CFTR: variants seen among roughly 807,000 people sequenced by gnomAD.
CFTR encodes the protein cystic fibrosis transmembrane conductance regulator.
In CFTR, 181 loss-of-function variants were observed where a neutral mutation model predicts 171.6. The observed-to-expected ratio is 1.05, with a 90% CI of 0.93 to 1.19. The LOEUF is 1.19. Among genes scored for constraint, CFTR ranks in the 50% most tolerant of loss-of-function variants. The pLI is 0.00. For missense variants in CFTR, 1,968 were observed against 1,734.7 expected (o/e 1.13, Z -2.39); for synonymous variants, 583 against 608.0 (o/e 0.96, Z 0.60).
intron 25 of CFTR, among the ~76,000 whole-genome samples, chr7:117,665,206 A>T (rs970805991): frequency 1.3e-5 from 2 of 152,246 alleles, no homozygotes; most frequent in Non-Finnish European, 2.9e-5. Context: ...AGTACTGGTG[A>T]TTCTACATAA....
chr7:117,485,814 A>G (rs1048916629), intron 1 of CFTR, among the ~76,000 whole-genome samples: 1 of 152,154 alleles, frequency 6.6e-6, no homozygotes, highest in African/African-American at 2.4e-5. Context: ...TCCAAATTGT[A>G]AAGCTCTGGA....
At chr7:117,528,688 A>G (rs1798801823) in intron 3 of CFTR, among the ~76,000 whole-genome samples, 1 of 94,172 alleles carries the variant, frequency 1.1e-5, no homozygotes, top group Non-Finnish European at 2.0e-5. Context: ...AAACAACCCC[A>G]TCAAAAAGTG....
intron 3 of CFTR, among the ~76,000 whole-genome samples, chr7:117,514,820 A>G (rs935044370): frequency 1.3e-4 from 20 of 152,054 alleles, no homozygotes; most frequent in African/African-American, 4.6e-4. Flanking sequence ...ACCAGCATCT[A>G]TTGTTTCCTA....
chr7:117,544,873 T>G (rs1253113922), intron 9 of CFTR, among the ~76,000 whole-genome samples: 1 of 152,218 alleles, frequency 6.6e-6, no homozygotes, highest in African/African-American at 2.4e-5. Context: ...CTTGTGGAAT[T>G]TATCATTTAA....
At chr7:117,607,834 C>A (rs1792324605) in intron 18 of CFTR, among the ~76,000 whole-genome samples, 1 of 152,162 alleles carries the variant, frequency 6.6e-6, no homozygotes, top group Non-Finnish European at 1.5e-5. Flanking sequence ...TTTTGGATAT[C>A]CTTCAGTTGT....
intron 23 of CFTR, among the ~76,000 whole-genome samples, chr7:117,649,376 G>T (rs987207525): frequency 6.9e-6 from 1 of 145,460 alleles, no homozygotes; most frequent in African/African-American, 2.5e-5. Context: ...ATATATACAT[G>T]TATATCTATA....
intron 14 of CFTR, 52 bp downstream of exon 14, chr7:117,592,709 G>C: frequency 7.0e-7 from 1 of 1,436,194 alleles, no homozygotes; most frequent in Non-Finnish European, 9.2e-7. Flanking sequence ...CAATTGAGTA[G>C]AATGCAATAT....
intron 23 of CFTR, among the ~76,000 whole-genome samples, chr7:117,650,263 C>T (rs1793070785): frequency 6.6e-6 from 1 of 151,990 alleles, no homozygotes; most frequent in Non-Finnish European, 1.5e-5. Context: ...AGGCTCTTGC[C>T]CTGCTCCAGA....
In CFTR at chr7:117,667,239, T is replaced by C. The variant is rs1232244080; in HGVS notation, c.*131T>C. The C allele has an allele frequency of 3.5e-6, 3 of 869,352 alleles. No individual in the cohort carries two copies. The African/African-American group carries it at 5.0e-5, about 15-fold the overall frequency. The allele number at this position is 869,352 out of a possible 1,614,324, so 53.9% of individuals were successfully genotyped here. On this transcript the variant is annotated 3_prime_UTR_variant, in exon 27 of 27. Coordinates refer to ENST00000003084, the MANE Select transcript of CFTR (RefSeq NM_000492.4). The stretch of plus-strand genomic sequence containing the variant: ...AAAACAAGGATGAATTAAGTTTTTT[T>C]TTAAAAAAGAAACATTTGGTAAGGG...
rs121908791 is a variant in CFTR, at chr7:117,509,143, G to A, written c.273+1G>A. Reference sequence around the variant, plus strand: ...CTATGGAATCTTTTTATATTTAGGGGTAAGGATCTCATTTGTACATTCATT... The same window carrying A: ...CTATGGAATCTTTTTATATTTAGGGATAAGGATCTCATTTGTACATTCATT... On this transcript the variant is annotated splice_donor_variant, in intron 3 of 26. Coordinates refer to ENST00000003084, the MANE Select transcript of CFTR (RefSeq NM_000492.4). LOFTEE classifies it high-confidence loss of function. The A allele has an allele frequency of 2.0e-6, 3 of 1,485,476 alleles. No individual in the cohort carries two copies. The highest frequency in any genetic ancestry group is 1.7e-5 in the Admixed American group (1 of 59,850). 92.0% of individuals were successfully genotyped at this position (1,485,476 alleles called of 1,614,324 possible).
intron 3 of CFTR, among the ~76,000 whole-genome samples, chr7:117,518,784 T>C (rs1798640559): frequency 6.6e-6 from 1 of 151,988 alleles, no homozygotes; most frequent in Non-Finnish European, 1.5e-5. Flanking sequence ...ATACTCATTA[T>C]TTACATTTAG....
At chr7:117,587,263 T>G (rs1048853948) in intron 11 of CFTR, among the ~76,000 whole-genome samples, 72 of 152,294 alleles carry the variant, frequency 4.7e-4, no homozygotes. Flanking sequence ...GGAAGCCCAG[T>G]GAAGATACTT....
intron 10 of CFTR, among the ~76,000 whole-genome samples, chr7:117,557,634 A>C (rs987224637): frequency 6.6e-6 from 1 of 152,006 alleles, no homozygotes; most frequent in African/African-American, 2.4e-5. Flanking sequence ...TTTTTCATTG[A>C]ATGTATTTGG....
chr7:117,648,384 C>T (rs1038529469), intron 23 of CFTR, among the ~76,000 whole-genome samples: 4 of 152,064 alleles, frequency 2.6e-5, no homozygotes, highest in Middle Eastern at 3.2e-3. Context: ...TCAATATAGC[C>T]TCACGTGTTG....
At chr7:117,630,899 C>T (rs1792730809) in intron 22 of CFTR, among the ~76,000 whole-genome samples, 1 of 152,116 alleles carries the variant, frequency 6.6e-6, no homozygotes, top group Non-Finnish European at 1.5e-5. Context: ...AAAGGGCATG[C>T]ACAGAAAACA....
At chr7:117,538,744 A>G (rs978741713) in intron 7 of CFTR, among the ~76,000 whole-genome samples, 1 of 95,190 alleles carries the variant, frequency 1.1e-5, no homozygotes, top group Admixed American at 9.4e-5. Flanking sequence ...TGACTTGCTT[A>G]AGATGGCATA....
chr7:117,548,243 G>A (rs942923502), intron 9 of CFTR, among the ~76,000 whole-genome samples: 4 of 151,990 alleles, frequency 2.6e-5, no homozygotes. Context: ...ACAGTCTACA[G>A]CTTTGAAAGA....
At chr7:117,501,183 A>G (rs1798319794) in intron 1 of CFTR, among the ~76,000 whole-genome samples, 1 of 152,224 alleles carries the variant, frequency 6.6e-6, no homozygotes, top group African/African-American at 2.4e-5. Flanking sequence ...TTGAAAATGC[A>G]GAATTTATTA....
At chr7:117,581,081 G>A (rs550298396) in intron 11 of CFTR, among the ~76,000 whole-genome samples, 24 of 152,202 alleles carry the variant, frequency 1.6e-4, no homozygotes, top group African/African-American at 5.3e-4. Flanking sequence ...GTACAATTTA[G>A]CATTGTAAAA....
Sources: gnomAD v4.1 joint callset for allele counts (sites outside exome capture counted in the v4.1 genomes callset) on GRCh38, gnomAD v4.1.1 for gene constraint, MANE v1.5 for transcripts, NCBI Gene and HGNC (gene_info 2026-07-23, HGNC 2026-07-21) for gene names.